The following IGSF5 variants were observed in gnomAD, a reference collection of about 807,000 sequenced individuals.
IGSF5 encodes the protein immunoglobulin superfamily member 5, also known as immunoglobulin superfamily 5 like.
A neutral mutation model predicts 39.4 loss-of-function variants in IGSF5; 41 were observed. The ratio of observed to expected loss-of-function variants is 1.04; its 90% CI spans 0.81 to 1.35. IGSF5 has a LOEUF of 1.35. Among genes scored for constraint, IGSF5 ranks in the 40% most tolerant of loss-of-function variants. The pLI is 0.00. For missense variants in IGSF5, 487 were observed against 494.6 expected (o/e 0.98, Z 0.15); for synonymous variants, 183 against 175.3 (o/e 1.04, Z -0.34).
the IGSF5 span, among the ~76,000 whole-genome samples, chr21:39,728,864 C>T: frequency 6.6e-6 from 1 of 152,090 alleles, no homozygotes; most frequent in Non-Finnish European, 1.5e-5. Context: ...AATCTAGTAT[C>T]ATCCCATGTG....
the IGSF5 span, chr21:39,729,216 T>C: frequency 6.6e-6 from 1 of 152,214 alleles, no homozygotes; most frequent in Non-Finnish European, 1.5e-5. Flanking sequence ...CAAGTGTTGT[T>C]TTTGGTGGCT....
intron 4 of IGSF5, among the ~76,000 whole-genome samples, chr21:39,772,436 A>C (rs1000157123): frequency 2.0e-5 from 3 of 152,190 alleles, no homozygotes; most frequent in Non-Finnish European, 4.4e-5. Context: ...TTGGTGGCTT[A>C]AACAACAGAA....
chr21:39,787,228 T>C (rs1049470540), intron 5 of IGSF5, among the ~76,000 whole-genome samples: 1 of 152,242 alleles, frequency 6.6e-6, no homozygotes, highest in African/African-American at 2.4e-5. Flanking sequence ...CTGGAGGGCA[T>C]TCATCTCTTA....
At chr21:39,795,694 A>G (rs1017339530) in intron 8 of IGSF5, among the ~76,000 whole-genome samples, 1 of 151,932 alleles carries the variant, frequency 6.6e-6, no homozygotes, top group Non-Finnish European at 1.5e-5. Flanking sequence ...GTTTTCTGCT[A>G]CTGAAACATG....
chr21:39,787,537 C>A (rs1270385269), intron 5 of IGSF5, among the ~76,000 whole-genome samples: 1 of 138,164 alleles, frequency 7.2e-6, no homozygotes, highest in Non-Finnish European at 1.5e-5. Flanking sequence ...AAAACATTAG[C>A]AATTTAATGA....
At chr21:39,763,507 G>A (rs567638050) in intron 2 of IGSF5, among the ~76,000 whole-genome samples, 13 of 152,336 alleles carry the variant, frequency 8.5e-5, no homozygotes, top group South Asian at 8.3e-4. Flanking sequence ...GTATGATTCC[G>A]TAGTGACACG....
At chr21:39,723,036 A>G in the IGSF5 span, among the ~76,000 whole-genome samples, 1 of 152,230 alleles carries the variant, frequency 6.6e-6, no homozygotes, top group South Asian at 2.1e-4. Context: ...ATCTATTGCT[A>G]TGTAACAAAT....
At chr21:39,735,994 T>C in the IGSF5 span, among the ~76,000 whole-genome samples, 1 of 152,202 alleles carries the variant, frequency 6.6e-6, no homozygotes, top group Admixed American at 6.5e-5. Flanking sequence ...GGCAAACTCT[T>C]GACTGTGTGC....
chr21:39,771,091 T>A lies in IGSF5; in HGVS notation c.594T>A (p.Ser198Arg), dbSNP rs74817033. Residue 198 changes from serine (S) to arginine (R), a missense_variant, in exon 4 of 9, where the codon AGT becomes AGA. Ser to Arg is a moderately radical substitution (Grantham distance 110, BLOSUM62 -1). Coordinates refer to ENST00000380588, the MANE Select transcript of IGSF5 (RefSeq NM_001080444.2). ...YFVPEPSDLQ[S>R]AVSILALTPQ... Reference sequence around the variant, plus strand: ...TTCCGGAGCCCAGCGACCTTCAAAGTGCAGTGAGCATCCTGGCTCTGACCC... The same window carrying A: ...TTCCGGAGCCCAGCGACCTTCAAAGAGCAGTGAGCATCCTGGCTCTGACCC... 12,376 of 1,613,664 alleles carry A rather than the reference T, an allele frequency of 7.7e-3. 795 individuals are homozygous for A. In the African/African-American group the frequency reaches 0.14, roughly 18 times the overall value.
Position 39,771,141 on chromosome 21 carries a change from G to C in IGSF5, c.644G>C (p.Cys215Ser). ...CCACAGAGCAATGGGACTTTGACTTGCGTGGCTACCTGGAAGAGCCTGAAG... is the reference window on the plus strand; with the variant it reads ...CCACAGAGCAATGGGACTTTGACTTCCGTGGCTACCTGGAAGAGCCTGAAG... Reference protein sequence around the residue: ...LTPQSNGTLTCVATWKSLKAR... With the variant: ...LTPQSNGTLTSVATWKSLKAR... Residue 215 changes from cysteine to serine, a missense_variant, in exon 4 of 9, where the codon TGC (cysteine) becomes TCC (serine). Transcript: ENST00000380588. 1 of 1,609,044 alleles carries C rather than the reference G, an allele frequency of 6.2e-7. No homozygotes were observed. Among genetic ancestry groups the C allele is most frequent in the Non-Finnish European group, 8.5e-7 (1 of 1,177,416 alleles).
chr21:39,765,971 C>A, intron 3 of IGSF5, 119 bp downstream of exon 3: 1 of 895,874 alleles, frequency 1.1e-6, no homozygotes. Flanking sequence ...TGGTGTTGAC[C>A]TACAATTATT....
At chr21:39,778,071 A>G (rs897940905) in intron 4 of IGSF5, among the ~76,000 whole-genome samples, 8 of 152,210 alleles carry the variant, frequency 5.3e-5, no homozygotes, top group African/African-American at 7.2e-5. Flanking sequence ...TTGAATAACA[A>G]TTCACAATTA....
rs1429736999 is a variant in IGSF5 at position 39,765,649 on chromosome 21, C to G, written c.215C>G (p.Ala72Gly). Residue 72 changes from alanine to glycine, a missense_variant, in exon 3 of 9, where the codon GCT becomes GGT. Transcript: ENST00000380588. ...VSQGWKLIMWALSDMVVLSVR... is the reference protein window; with the variant it reads ...VSQGWKLIMWGLSDMVVLSVR... ...CAGGGCTGGAAGCTCATCATGTGGG[C>G]TCTCAGTGACATGGTGGTGCTAAGC... 1 of 1,614,030 alleles carries G rather than the reference C, an allele frequency of 6.2e-7. No individual in the cohort carries two copies. The highest frequency in any genetic ancestry group is 8.5e-7 in the Non-Finnish European group (1 of 1,180,020).
chr21:39,729,169 C>T, the IGSF5 span: 2 of 152,208 alleles, frequency 1.3e-5, no homozygotes, highest in African/African-American at 4.8e-5. Flanking sequence ...CCTCAGGGCC[C>T]ACAGAAGCTC....
the IGSF5 span, among the ~76,000 whole-genome samples, chr21:39,732,516 G>C: frequency 1.3e-5 from 2 of 152,138 alleles, no homozygotes; most frequent in Non-Finnish European, 1.5e-5. Flanking sequence ...TTAGATATAG[G>C]GGGATTTATC....
chr21:39,739,713 G>T, the IGSF5 span, among the ~76,000 whole-genome samples: 3 of 152,160 alleles, frequency 2.0e-5, no homozygotes, highest in Non-Finnish European at 4.4e-5. Flanking sequence ...TTCCTCAGGA[G>T]GGGTGCCTTC....
chr21:39,758,219 A>G (rs2080042554), intron 2 of IGSF5, among the ~76,000 whole-genome samples: 1 of 151,936 alleles, frequency 6.6e-6, no homozygotes, highest in Admixed American at 6.6e-5. Context: ...GGAACACACA[A>G]CTGCCAGAAG....
the IGSF5 span, among the ~76,000 whole-genome samples, chr21:39,723,462 G>C: frequency 1.3e-5 from 2 of 152,202 alleles, no homozygotes; most frequent in Non-Finnish European, 2.9e-5. Flanking sequence ...CTGTGAGTTA[G>C]AGAAGCAAGT....
chr21:39,762,196 C>G (rs188482078), intron 2 of IGSF5, among the ~76,000 whole-genome samples: 4 of 152,256 alleles, frequency 2.6e-5, no homozygotes, highest in Admixed American at 2.6e-4. Flanking sequence ...AGTCAAACTT[C>G]GTAAAGTGTT....
Sources: gnomAD v4.1 joint callset for allele counts (sites outside exome capture counted in the v4.1 genomes callset) on GRCh38, gnomAD v4.1.1 for gene constraint, MANE v1.5 for transcripts, NCBI Gene and HGNC (gene_info 2026-07-23, HGNC 2026-07-21) for gene names.